Variants in SYN3 observed in about 807,000 individuals in gnomAD.
SYN3 encodes synapsin III, also known as synapsin-3.
A neutral mutation model predicts 65.8 loss-of-function variants in SYN3; 35 were observed. That is an observed-to-expected ratio of 0.53 (90% CI 0.41 to 0.70). SYN3 has a LOEUF of 0.70. Ranked by LOEUF, SYN3 falls within the 30% of genes least tolerant of loss-of-function variation. The pLI is 0.00. For missense variants in SYN3, 680 were observed against 749.0 expected (o/e 0.91, Z 1.08); for synonymous variants, 270 against 292.9 (o/e 0.92, Z 0.80).
chr22:32,636,327 G>C (rs375865285), intron 6 of SYN3, among the ~76,000 whole-genome samples: 1 of 151,646 alleles, frequency 6.6e-6, no homozygotes, highest in South Asian at 2.1e-4. Context: ...GCGTGAACCC[G>C]GGAGGCGGAG....
chr22:32,942,779 C>T (rs561699054), intron 3 of SYN3, among the ~76,000 whole-genome samples: 8 of 152,224 alleles, frequency 5.3e-5, no homozygotes, highest in South Asian at 2.1e-4. Flanking sequence ...AACCATGGCA[C>T]GAGAACTACG....
At chr22:32,556,795 G>T (rs2058503755) in intron 7 of SYN3, among the ~76,000 whole-genome samples, 8 of 87,170 alleles carry the variant, frequency 9.2e-5, no homozygotes, top group Non-Finnish European at 1.5e-4. Flanking sequence ...CCAATCTATA[G>T]GTTTCCTGGT....
At chr22:32,767,477 G>A (rs1241046787) in intron 6 of SYN3, among the ~76,000 whole-genome samples, 1 of 152,018 alleles carries the variant, frequency 6.6e-6, no homozygotes, top group African/African-American at 2.4e-5. Context: ...ATTTTCATTT[G>A]ATTGGAATAC....
intron 4 of SYN3, among the ~76,000 whole-genome samples, chr22:32,929,753 G>C (rs1225709612): frequency 6.6e-6 from 1 of 152,094 alleles, no homozygotes; most frequent in Non-Finnish European, 1.5e-5. Flanking sequence ...AGGGTCTACT[G>C]TTACACTCCC....
intron 7 of SYN3, among the ~76,000 whole-genome samples, chr22:32,567,844 G>T (rs963203151): frequency 6.6e-6 from 1 of 152,144 alleles, no homozygotes; most frequent in Non-Finnish European, 1.5e-5. Context: ...TGAAACCCCA[G>T]GAAGAGGAGG....
chr22:32,919,269 C>A (rs978635181), intron 4 of SYN3, among the ~76,000 whole-genome samples: 1 of 152,192 alleles, frequency 6.6e-6, no homozygotes, highest in Admixed American at 6.5e-5. Context: ...GAGGCCTTCC[C>A]TGCTTCCCAC....
chr22:32,531,060 T>C (rs1179506082), intron 10 of SYN3, among the ~76,000 whole-genome samples: 9 of 148,002 alleles, frequency 6.1e-5, no homozygotes, highest in African/African-American at 2.3e-4. Context: ...TGGAACGCGT[T>C]TCCCTCCCGC....
intron 6 of SYN3, among the ~76,000 whole-genome samples, chr22:32,852,768 G>C (rs1328332559): frequency 6.6e-6 from 1 of 152,214 alleles, no homozygotes; most frequent in Non-Finnish European, 1.5e-5. Flanking sequence ...CAGGGTGTTA[G>C]AATGTTGAGA....
chr22:33,040,653 C>T (rs1183989717), intron 1 of SYN3, among the ~76,000 whole-genome samples: 3 of 152,178 alleles, frequency 2.0e-5, no homozygotes, highest in African/African-American at 7.2e-5. Context: ...CCCCATGTGT[C>T]AAGGGAGAGA....
chr22:32,869,184 C>A, intron 4 of SYN3, 59 bp from the exon 5 acceptor site: 1 of 1,570,902 alleles, frequency 6.4e-7, no homozygotes, highest in South Asian at 1.2e-5. Context: ...CCAGGGCATC[C>A]GGCCACAGCT....
intron 6 of SYN3, among the ~76,000 whole-genome samples, chr22:32,601,371 G>A (rs1601730717): frequency 1.3e-5 from 2 of 151,302 alleles, no homozygotes; most frequent in East Asian, 3.9e-4. Context: ...TCTGCCTCCT[G>A]GGTTCACGCC....
At chr22:32,532,732 G>C (rs1430017111) in intron 10 of SYN3, among the ~76,000 whole-genome samples, 1 of 152,156 alleles carries the variant, frequency 6.6e-6, no homozygotes, top group Non-Finnish European at 1.5e-5. Context: ...ATGAGAGACG[G>C]GAGGACCGGC....
At chr22:32,840,548 C>G (rs2047866698) in intron 6 of SYN3, among the ~76,000 whole-genome samples, 2 of 151,830 alleles carry the variant, frequency 1.3e-5, no homozygotes, top group African/African-American at 2.4e-5. Flanking sequence ...GGGGGGTCAT[C>G]ATCTTCCTGG....
At chr22:32,902,248 A>ATT (rs2049781238) in intron 4 of SYN3, among the ~76,000 whole-genome samples, 1 of 152,278 alleles carries the variant, frequency 6.6e-6, no homozygotes, top group Non-Finnish European at 1.5e-5. Context: ...TTGAAACAAT[A>ATT]TGATGAGCTT....
chr22:32,815,797 G>A (rs907805397), intron 6 of SYN3, among the ~76,000 whole-genome samples: 13 of 152,062 alleles, frequency 8.5e-5, no homozygotes, highest in African/African-American at 3.1e-4. Flanking sequence ...GATTTGAGCC[G>A]GACCTCCTGA....
intron 6 of SYN3, among the ~76,000 whole-genome samples, chr22:32,655,862 C>A (rs1231045333): frequency 2.0e-5 from 3 of 152,162 alleles, no homozygotes; most frequent in African/African-American, 7.2e-5. Flanking sequence ...CCTCCCCATC[C>A]CTGGTCAGTG....
intron 1 of SYN3, among the ~76,000 whole-genome samples, chr22:33,025,386 G>A (rs942500947): frequency 3.6e-4 from 54 of 149,202 alleles, no homozygotes; most frequent in African/African-American, 1.2e-3. Context: ...CCCAGGAGGT[G>A]GAGGTTGCGC....
At chr22:32,517,335 G>A (rs2057794778) in intron 13 of SYN3, among the ~76,000 whole-genome samples, 1 of 152,160 alleles carries the variant, frequency 6.6e-6, no homozygotes, top group Non-Finnish European at 1.5e-5. Context: ...GCTTAGCCTT[G>A]GGGAGGATGA....
At position 32,527,957 on chromosome 22, in the gene SYN3, G is replaced by A. The variant is rs777410173; in HGVS notation, c.1279C>T (p.Pro427Ser). Residue 427 changes from proline to serine, a missense_variant, in exon 12 of 14, where the codon CCT becomes TCT. By Grantham distance (74) the Pro-to-Ser change is moderately conservative (BLOSUM62 -1). Coordinates refer to ENST00000358763, the MANE Select transcript of SYN3 (RefSeq NM_003490.4). Reference sequence around the variant, plus strand: ...CGTGGCTGGGGCTGGCCTAGCTGAGGCCCCAGCTGGGCTTGCCCTGGGGAT... The same window carrying A: ...CGTGGCTGGGGCTGGCCTAGCTGAGACCCCAGCTGGGCTTGCCCTGGGGAT... The part of the protein sequence containing the change: ...AKSPGQAQLG[P>S]QLGQPQPRPP... 6.3e-7 allele frequency: 1 copy of A among 1,591,842 alleles called. No individual in the cohort carries two copies. Among genetic ancestry groups the A allele is most frequent in the South Asian group, 1.1e-5 (1 of 87,860 alleles).
Sources: gnomAD v4.1 joint callset for allele counts (sites outside exome capture counted in the v4.1 genomes callset) on GRCh38, gnomAD v4.1.1 for gene constraint, MANE v1.5 for transcripts, NCBI Gene and HGNC (gene_info 2026-07-23, HGNC 2026-07-21) for gene names.